The following NLRP14 variants were observed in gnomAD, a reference collection of about 807,000 sequenced individuals.
The protein encoded by NLRP14 is NACHT, LRR and PYD domains-containing protein 14.
In NLRP14, 105 loss-of-function variants were observed where a neutral mutation model predicts 94.7. That is an observed-to-expected ratio of 1.11 (90% CI 0.95 to 1.30). The LOEUF (loss-of-function observed/expected upper bound fraction) is 1.30. Ranked by LOEUF, NLRP14 falls within the 50% of genes most tolerant of loss-of-function variation. The pLI is 0.00. For synonymous variants in NLRP14, 508 were observed against 459.9 expected, an observed-to-expected ratio of 1.10 and a Z score of -1.34; for missense variants, 1,362 against 1,254.1, an observed-to-expected ratio of 1.09 and a Z score of -1.30.
At chr11:7,051,591 T>C (rs1852441835) in intron 6 of NLRP14, among the ~76,000 whole-genome samples, 1 of 152,172 alleles carries the variant, frequency 6.6e-6, no homozygotes, top group Non-Finnish European at 1.5e-5. Flanking sequence ...TACATGAACA[T>C]ACTGAAAGGA....
chr11:7,055,242 A>G (rs1217703936), intron 6 of NLRP14, among the ~76,000 whole-genome samples: 1 of 152,156 alleles, frequency 6.6e-6, no homozygotes, highest in Non-Finnish European at 1.5e-5. Context: ...CATGAAGCCT[A>G]TCCTCTTAGT....
intron 6 of NLRP14, 100 bp downstream of exon 6, chr11:7,049,938 G>A: frequency 2.0e-6 from 2 of 996,702 alleles, no homozygotes; most frequent in Non-Finnish European, 3.2e-6. Flanking sequence ...CATAGGACCG[G>A]CTTAAATCTA....
chr11:7,042,809 C>T lies in NLRP14; in HGVS notation c.783C>T (p.Phe261=), dbSNP rs776087967. Residue 261 remains phenylalanine (F), a synonymous_variant, in exon 4 of 12, where the codon TTC becomes TTT. Coordinates refer to ENST00000299481, the MANE Select transcript of NLRP14 (RefSeq NM_176822.4). ...PSSLLFIIDS[F]DELNFAFEEP... ...GCCTCTTGTTTATTATTGACAGTTT[C>T]GATGAACTGAACTTTGCCTTTGAAG... The T allele has an allele frequency of 4.9e-5, 79 of 1,614,014 alleles. No individual in the cohort carries two copies. The Admixed American group carries it at 7.7e-4, about 16-fold the overall frequency.
In NLRP14 at chr11:7,057,853, T is replaced by G; in HGVS notation, c.2462+6T>G. On this transcript the variant is annotated splice_donor_region_variant and intron_variant, in intron 7 of 11. Coordinates refer to ENST00000299481, the MANE Select transcript of NLRP14 (RefSeq NM_176822.4). Reference sequence around the variant, plus strand: ...TGTTATCTAGAGAGACTGTCGTGAGTGTTTCTGTTTTGTTTTCTGTAGAGT... The same window carrying G: ...TGTTATCTAGAGAGACTGTCGTGAGGGTTTCTGTTTTGTTTTCTGTAGAGT... 6.2e-7 allele frequency: 1 copy of G among 1,610,282 alleles called. No individual in the cohort carries two copies. Among genetic ancestry groups the G allele is most frequent in the Non-Finnish European group, 8.5e-7 (1 of 1,176,788 alleles).
chr11:7,065,050 A>G lies in NLRP14; in HGVS notation c.2975+2547A>G, dbSNP rs1852684514. Among the ~76,000 whole-genome samples, 5 of 152,004 alleles carry G rather than the reference A, an allele frequency of 3.3e-5. No individual in the cohort carries two copies. The South Asian group carries it at 1.0e-3, about 32-fold the overall frequency. ...CAATTCTTCCCATCTTCTTAAAGAGAATTTTGGCTCTCCTTCCCCTTTACA... is the reference window on the plus strand; with the variant it reads ...CAATTCTTCCCATCTTCTTAAAGAGGATTTTGGCTCTCCTTCCCCTTTACA... On this transcript the variant is annotated intron_variant, in intron 10 of 11. Coordinates refer to ENST00000299481, the MANE Select transcript of NLRP14 (RefSeq NM_176822.4).
At chr11:7,025,740 G>A (rs1852006052) in intron 1 of NLRP14, among the ~76,000 whole-genome samples, 1 of 151,972 alleles carries the variant, frequency 6.6e-6, no homozygotes, top group Non-Finnish European at 1.5e-5. Flanking sequence ...GAAAGAGATT[G>A]GCCTTATATT....
intron 7 of NLRP14, 67 bp downstream of exon 7, chr11:7,057,914 T>G (rs986261366): frequency 7.4e-7 from 1 of 1,345,500 alleles, no homozygotes; most frequent in Non-Finnish European, 1.1e-6. Flanking sequence ...AATTGTGATC[T>G]GATAGGGAAA....
intron 4 of NLRP14, among the ~76,000 whole-genome samples, chr11:7,044,487 G>A (rs1401124587): frequency 6.6e-6 from 1 of 152,104 alleles, no homozygotes; most frequent in Non-Finnish European, 1.5e-5. Context: ...GACATTGGTT[G>A]GCCTTTGTTT....
intron 1 of NLRP14, among the ~76,000 whole-genome samples, chr11:7,036,332 C>G (rs961037949): frequency 6.6e-6 from 1 of 152,046 alleles, no homozygotes; most frequent in South Asian, 2.1e-4. Context: ...TCGAGGACAG[C>G]GTAAAACCTT....
downstream of NLRP14, among the ~76,000 whole-genome samples, chr11:7,075,956 C>A (rs1453641826): frequency 6.6e-6 from 1 of 152,210 alleles, no homozygotes; most frequent in African/African-American, 2.4e-5. Context: ...CCTGCCCTCT[C>A]ACTTTAGCCA....
At chr11:7,073,144 A>G (rs1027983552), downstream of NLRP14, among the ~76,000 whole-genome samples, 19 of 152,186 alleles carry the variant, frequency 1.2e-4, no homozygotes, top group Admixed American at 6.5e-4. Flanking sequence ...GCTGCCATTT[A>G]TCTTAAAAGC....
At chr11:7,037,600 A>T (rs1157621188) in intron 1 of NLRP14, among the ~76,000 whole-genome samples, 3 of 152,220 alleles carry the variant, frequency 2.0e-5, no homozygotes, top group African/African-American at 4.8e-5. Context: ...TAAGTGATTA[A>T]TTGGAGCACC....
intron 1 of NLRP14, among the ~76,000 whole-genome samples, chr11:7,030,134 C>T (rs933782488): frequency 6.6e-6 from 1 of 152,220 alleles, no homozygotes; most frequent in African/African-American, 2.4e-5. Context: ...AACAGAGCAT[C>T]CATTTACCCA....
At chr11:7,071,123 GC>G (rs1433111371) in intron 11 of NLRP14, 49 bp from the exon 12 acceptor site, 1 of 1,606,524 alleles carries the variant, frequency 6.2e-7, no homozygotes, top group African/African-American at 1.3e-5. Context: ...AAAGTGGAGG[GC>G]TGTAGGGAAA....
At chr11:7,076,016 A>G (rs1423706215), downstream of NLRP14, among the ~76,000 whole-genome samples, 1 of 152,162 alleles carries the variant, frequency 6.6e-6, no homozygotes, top group Non-Finnish European at 1.5e-5. Context: ...TCAGTGTTTC[A>G]CTTACTGCAC....
chr11:7,061,334 G>T (rs1852616994), intron 9 of NLRP14, among the ~76,000 whole-genome samples: 1 of 152,050 alleles, frequency 6.6e-6, no homozygotes, highest in Admixed American at 6.6e-5. Flanking sequence ...AATGGATGTT[G>T]TTAAATCCAA....
At chr11:7,073,381 C>T (rs564066785), downstream of NLRP14, among the ~76,000 whole-genome samples, 2 of 152,340 alleles carry the variant, frequency 1.3e-5, no homozygotes, top group East Asian at 3.9e-4. Flanking sequence ...TTTGATAAGA[C>T]TGTCAATTCC....
At chr11:7,033,075 G>A (rs185638629) in intron 1 of NLRP14, among the ~76,000 whole-genome samples, 36 of 152,114 alleles carry the variant, frequency 2.4e-4, no homozygotes, top group Non-Finnish European at 5.1e-4. Flanking sequence ...TATTCTAGTG[G>A]CATATAGCTT....
intron 8 of NLRP14, 74 bp from the exon 9 acceptor site, chr11:7,059,815 CATGAA>C: frequency 8.0e-7 from 1 of 1,247,294 alleles, no homozygotes; most frequent in East Asian, 2.5e-5. Context: ...GGGATCAAAT[CATGAA>C]ATCTCTTCAG....
Sources: allele counts gnomAD v4.1 joint callset (sites outside exome capture counted in the v4.1 genomes callset), GRCh38; gene constraint gnomAD v4.1.1; transcripts MANE v1.5; gene names NCBI Gene and HGNC (gene_info 2026-07-23, HGNC 2026-07-21).